Variants in SLC47A2 observed in about 807,000 individuals in gnomAD.
The protein encoded by SLC47A2 is solute carrier family 47 member 2, also known as multidrug and toxin extrusion protein 2.
Under a neutral mutation model 67.7 loss-of-function variants are expected in SLC47A2, and 52 were observed. That is an observed-to-expected ratio of 0.77 (90% CI 0.61 to 0.97). SLC47A2 has a LOEUF of 0.97. Ranked by LOEUF, SLC47A2 falls within the 50% of genes least tolerant of loss-of-function variation. The probability of loss-of-function intolerance (pLI) is 0.00; values close to 1 mark genes in which losing one functional copy is unlikely to be tolerated. For missense variants in SLC47A2, 676 were observed against 712.3 expected, an observed-to-expected ratio of 0.95 and a Z score of 0.58; for synonymous variants, 278 against 292.9, an observed-to-expected ratio of 0.95 and a Z score of 0.52.
In SLC47A2 at chr17:19,715,692, G is replaced by GTTTTTTTTTTT. The variant is rs1262965934; in HGVS notation, c.124-476_124-475insAAAAAAAAAAA. 6 of 86,650 alleles carry GTTTTTTTTTTT rather than the reference G, an allele frequency of 6.9e-5. 1 individual carries two copies. The highest frequency in any genetic ancestry group is 1.9e-4 in the African/African-American group (5 of 26,196). 5.4% of individuals were successfully genotyped at this position (86,650 alleles called of 1,614,324 possible). A position where few individuals can be genotyped will look rare whatever the true frequency, so the allele number is the denominator to read the frequency against. On this transcript the variant is annotated intron_variant, in intron 1 of 16. Coordinates refer to ENST00000433844, the MANE Select transcript of SLC47A2 (RefSeq NM_001099646.3). ...AGTGCAATTCCATTACTCCTTTTTG[G>GTTTTTTTTTTT]TTTTGTTTTTTTTGTTTTTTTTTTT...
At chr17:19,711,339 C>G (rs1008786895) in intron 5 of SLC47A2, among the ~76,000 whole-genome samples, 1 of 151,174 alleles carries the variant, frequency 6.6e-6, no homozygotes, top group Non-Finnish European at 1.5e-5. Context: ...CGCCTGTAAT[C>G]CCAGCACTTT....
chr17:19,715,276 G>T, intron 1 of SLC47A2, 59 bp from the exon 2 acceptor site: 1 of 1,486,148 alleles, frequency 6.7e-7, no homozygotes, highest in Non-Finnish European at 9.3e-7. Context: ...GCCGAGCCCT[G>T]CAAGACAGGC....
intron 13 of SLC47A2, among the ~76,000 whole-genome samples, chr17:19,694,021 C>T (rs1392196793): frequency 6.6e-6 from 1 of 152,098 alleles, no homozygotes; most frequent in Non-Finnish European, 1.5e-5. Flanking sequence ...AAAACAATTT[C>T]ATTCACAGTA....
chr17:19,695,325 A>G (rs891603131), intron 13 of SLC47A2, among the ~76,000 whole-genome samples: 1 of 151,978 alleles, frequency 6.6e-6, no homozygotes, highest in Non-Finnish European at 1.5e-5. Context: ...ATGTTTACAT[A>G]TATACAAACA....
At chr17:19,695,480 T>TC (rs2085638481) in intron 13 of SLC47A2, among the ~76,000 whole-genome samples, 1 of 62,388 alleles carries the variant, frequency 1.6e-5, no homozygotes, top group Admixed American at 2.5e-4. Flanking sequence ...GAGACCTGTC[T>TC]TAAAAAAAAA....
In SLC47A2 at chr17:19,706,831, A is replaced by G. The variant is rs994756327; in HGVS notation, c.728-70T>C. On this transcript the variant is annotated intron_variant, in intron 8 of 16. Coordinates refer to ENST00000433844, the MANE Select transcript of SLC47A2 (RefSeq NM_001099646.3). The stretch of plus-strand genomic sequence containing the variant: ...CACCTCATTCCTGCTCCCCACTGCC[A>G]GGAGGCCCCTAAACCCCTTTGGCTC... The G allele has an allele frequency of 1.3e-5, 16 of 1,245,536 alleles. No individual in the cohort carries two copies. The Admixed American group carries it at 3.3e-4, about 26-fold the overall frequency. 77.2% of individuals were successfully genotyped at this position (1,245,536 alleles called of 1,614,324 possible). A position where few individuals can be genotyped will look rare whatever the true frequency, so the allele number is the denominator to read the frequency against.
chr17:19,683,592 ATATGG>A (rs753819227), intron 13 of SLC47A2, among the ~76,000 whole-genome samples: 3 of 152,218 alleles, frequency 2.0e-5, no homozygotes, highest in Non-Finnish European at 4.4e-5. Context: ...GAGGCTGTGC[ATATGG>A]TGTAGCAGAG....
At chr17:19,702,701 G>C in intron 12 of SLC47A2, 27 bp from the exon 13 acceptor site, 1 of 1,612,066 alleles carries the variant, frequency 6.2e-7, no homozygotes, top group South Asian at 1.1e-5. Context: ...AAAGCATTAA[G>C]ACACAGATGT....
At position 19,678,723 on chromosome 17, in the gene SLC47A2, A is replaced by G; in HGVS notation, c.1664T>C (p.Val555Ala). Reference sequence around the variant, plus strand: ...GGCTAGGATCCTGACCGTGAGCCCCACCATCAGTGTGGCTGACGCCGCCCC... The same window carrying G: ...GGCTAGGATCCTGACCGTGAGCCCCGCCATCAGTGTGGCTGACGCCGCCCC... ...ALGAASATLMVGLTVRILATR... is the reference protein window; with the variant it reads ...ALGAASATLMAGLTVRILATR... The change falls in exon 17 of 17, where the codon GTG becomes GCG. Residue 555 changes from valine (V) to alanine (A), a missense_variant. By Grantham distance (64) the Val-to-Ala change is moderately conservative. Transcript: ENST00000433844. 1 of 1,613,526 alleles carries G rather than the reference A, an allele frequency of 6.2e-7. No individual in the cohort carries two copies. Among genetic ancestry groups the G allele is most frequent in the Non-Finnish European group, 8.5e-7 (1 of 1,180,022 alleles).
At chr17:19,703,025 ATC>A (rs1187858063) in intron 12 of SLC47A2, 65 bp downstream of exon 12, 26 of 1,510,830 alleles carry the variant, frequency 1.7e-5, no homozygotes, top group Non-Finnish European at 2.4e-5. Flanking sequence ...AATGTGATAA[ATC>A]TGAGGACACA....
intron 13 of SLC47A2, among the ~76,000 whole-genome samples, chr17:19,695,588 A>T (rs570250430): frequency 6.6e-6 from 1 of 151,744 alleles, no homozygotes; most frequent in African/African-American, 2.4e-5. Context: ...AATTTAATTT[A>T]AAAAGATAAG....
intron 13 of SLC47A2, among the ~76,000 whole-genome samples, chr17:19,682,640 C>G (rs2085341849): frequency 6.6e-6 from 1 of 152,210 alleles, no homozygotes; most frequent in Admixed American, 6.5e-5. Flanking sequence ...GGATAATCCC[C>G]CTATCTCCAG....
intron 13 of SLC47A2, among the ~76,000 whole-genome samples, chr17:19,701,027 G>A (rs921951290): frequency 9.2e-5 from 14 of 151,712 alleles, no homozygotes; most frequent in Non-Finnish European, 1.5e-4. Flanking sequence ...AATTAGCCAG[G>A]CATGGGGGTG....
At chr17:19,680,108 G>C in intron 15 of SLC47A2, 69 bp from the exon 16 acceptor site, 1 of 1,451,588 alleles carries the variant, frequency 6.9e-7, no homozygotes, top group Non-Finnish European at 9.5e-7. Flanking sequence ...TGCTAGCCTC[G>C]CATTCTCTGT....
At chr17:19,714,019 C>A in intron 3 of SLC47A2, 46 bp from the exon 4 acceptor site, 1 of 1,586,678 alleles carries the variant, frequency 6.3e-7, no homozygotes, top group African/African-American at 1.3e-5. Context: ...CTGCCCGGGA[C>A]ATTCCTAAAT....
At chr17:19,707,931 C>G in intron 7 of SLC47A2, 88 bp from the exon 8 acceptor site, 1 of 1,247,562 alleles carries the variant, frequency 8.0e-7, no homozygotes, top group Non-Finnish European at 1.1e-6. Flanking sequence ...GGCGGCCAGC[C>G]CGTGTGGGGC....
At chr17:19,714,058 G>T in intron 3 of SLC47A2, 85 bp from the exon 4 acceptor site, 2 of 1,514,402 alleles carry the variant, frequency 1.3e-6, no homozygotes, top group South Asian at 1.3e-5. Context: ...TGTCAGCGGC[G>T]CCAGCGGTGT....
At chr17:19,688,865 T>C (rs1161745801) in intron 13 of SLC47A2, among the ~76,000 whole-genome samples, 6 of 149,714 alleles carry the variant, frequency 4.0e-5, no homozygotes, top group Non-Finnish European at 5.9e-5. Flanking sequence ...GCTGGTGATA[T>C]CTTTTTTTTT....
chr17:19,718,164 G>A (rs1449097921), upstream of SLC47A2: 4 of 152,514 alleles, frequency 2.6e-5, no homozygotes, highest in African/African-American at 7.2e-5. Context: ...CCTGGGCCTG[G>A]GGTCTCTGTT....
Sources: gnomAD v4.1 joint callset for allele counts (sites outside exome capture counted in the v4.1 genomes callset) on GRCh38, gnomAD v4.1.1 for gene constraint, MANE v1.5 for transcripts, NCBI Gene and HGNC (gene_info 2026-07-23, HGNC 2026-07-21) for gene names.